Variants in DBT observed in about 807,000 individuals in gnomAD.
DBT encodes lipoamide acyltransferase component of branched-chain alpha-keto acid dehydrogenase complex, mitochondrial.
Under a neutral mutation model 51.3 loss-of-function variants are expected in DBT, and 40 were observed. That is an observed-to-expected ratio of 0.78 (90% confidence interval 0.61 to 1.02). DBT has a LOEUF of 1.02. Among genes scored for constraint, DBT ranks in the 50% least tolerant of loss-of-function variants. The pLI, the probability that DBT is intolerant of heterozygous loss-of-function variation, is 0.00. For synonymous variants in DBT, 181 were observed against 190.4 expected (o/e 0.95, Z 0.41); for missense variants, 510 against 580.2 (o/e 0.88, Z 1.24).
intron 4 of DBT, among the ~76,000 whole-genome samples, chr1:100,228,033 A>C (rs1311460419): frequency 1.3e-5 from 2 of 152,030 alleles, no homozygotes; most frequent in Admixed American, 1.3e-4. Flanking sequence ...TTTAGTAAAC[A>C]TGGGGTTTCA....
At chr1:100,241,558 A>G (rs1029088810) in intron 1 of DBT, among the ~76,000 whole-genome samples, 3 of 151,758 alleles carry the variant, frequency 2.0e-5, no homozygotes, top group Non-Finnish European at 4.4e-5. Context: ...ACCCCACCCA[A>G]TTAATTTTGT....
chr1:100,248,750 A>T (rs1664708958), intron 1 of DBT, among the ~76,000 whole-genome samples: 1 of 152,162 alleles, frequency 6.6e-6, no homozygotes. Flanking sequence ...TGCTGAGAAG[A>T]GCTCTCTTCT....
At position 100,194,815 on chromosome 1, in the gene DBT, T is replaced by A. The variant is rs1340737192; in HGVS notation, c.*1440A>T. 1 of 152,198 alleles carries A rather than the reference T, an allele frequency of 6.6e-6. No homozygotes were observed. The highest frequency in any genetic ancestry group is 1.9e-4 in the East Asian group (1 of 5,196). 9.4% of individuals were successfully genotyped at this position (152,198 alleles called of 1,614,324 possible). A position where few individuals can be genotyped will look rare whatever the true frequency, so the allele number is the denominator to read the frequency against. On this transcript the variant is annotated 3_prime_UTR_variant, in exon 11 of 11. Coordinates refer to ENST00000370132, the MANE Select transcript of DBT (RefSeq NM_001918.5). ...TCCTGATTTTAAAATTATTTCCATT[T>A]TGAGAAAAACCAAGTAGATATTAAA...
At chr1:100,207,666 T>A (rs1008008949) in intron 8 of DBT, among the ~76,000 whole-genome samples, 44 of 151,540 alleles carry the variant, frequency 2.9e-4, no homozygotes, top group Admixed American at 1.1e-3. Context: ...TACAAAAAAA[T>A]TTTTTTTAAT....
intron 5 of DBT, among the ~76,000 whole-genome samples, chr1:100,216,407 T>C (rs1232660375): frequency 6.6e-6 from 1 of 152,162 alleles, no homozygotes; most frequent in Admixed American, 6.6e-5. Context: ...GTATCTATAT[T>C]ATATATAATC....
intron 2 of DBT, 93 bp from the exon 3 acceptor site, chr1:100,235,604 G>A (rs1461863608): frequency 5.7e-6 from 4 of 707,582 alleles, no homozygotes; most frequent in African/African-American, 1.8e-5. Context: ...TTCTCAGGCA[G>A]AGGCAGAAAT....
chr1:100,209,781 C>G (rs761980429), intron 8 of DBT, among the ~76,000 whole-genome samples: 7 of 151,652 alleles, frequency 4.6e-5, no homozygotes, highest in Non-Finnish European at 8.8e-5. Flanking sequence ...AGGCTGGTCT[C>G]AAACTCCTGA....
chr1:100,204,569 C>A (rs1043736374), intron 10 of DBT, among the ~76,000 whole-genome samples: 2 of 152,130 alleles, frequency 1.3e-5, no homozygotes, highest in African/African-American at 4.8e-5. Flanking sequence ...CATCAAGCTA[C>A]CATTGACTTT....
In DBT at chr1:100,214,936, G is replaced by A. The variant is rs1310427311; in HGVS notation, c.820C>T (p.Pro274Ser). The A allele has an allele frequency of 1.9e-6, 3 of 1,612,446 alleles. No individual in the cohort carries two copies. Among genetic ancestry groups the A allele is most frequent in the African/African-American group, 2.7e-5 (2 of 74,962 alleles). Reference protein sequence around the residue: ...VKTMSAALKIPHFGYCDEIDL... With the variant: ...VKTMSAALKISHFGYCDEIDL... Reference sequence around the variant, plus strand: ...ATCTCATCACAATAACCAAAATGAGGTATCTTCAGGGCTGCAGACATAGTC... The same window carrying A: ...ATCTCATCACAATAACCAAAATGAGATATCTTCAGGGCTGCAGACATAGTC... The change falls in exon 7 of 11, where the codon CCT becomes TCT. Residue 274 changes from proline (P) to serine (S), a missense_variant. Physicochemically the swap from Pro to Ser is moderately conservative, Grantham distance 74 (BLOSUM62 -1). Transcript: ENST00000370132.
At chr1:100,221,246 T>G (rs1570823766) in intron 4 of DBT, among the ~76,000 whole-genome samples, 2 of 152,204 alleles carry the variant, frequency 1.3e-5, no homozygotes, top group African/African-American at 2.4e-5. Context: ...TTATTTCTAA[T>G]AGTCATGTAG....
In DBT at chr1:100,230,999, G is replaced by C. The variant is rs1057406449; in HGVS notation, c.252-85C>G. On this transcript the variant is annotated intron_variant, in intron 3 of 10. Transcript: ENST00000370132. ...AGGATGTAAATGCCATGCTGAGTTA[G>C]ATCAGTATTCATCTAGCCCAGCATT... 9.5e-6 allele frequency: 8 copies of C among 842,820 alleles called. No individual in the cohort carries two copies. The African/African-American group carries it at 1.0e-4, about 11-fold the overall frequency. 52.2% of individuals were successfully genotyped at this position (842,820 alleles called of 1,614,324 possible). A position where few individuals can be genotyped will look rare whatever the true frequency, so the allele number is the denominator to read the frequency against.
chr1:100,244,593 C>T (rs910470847), intron 1 of DBT, among the ~76,000 whole-genome samples: 10 of 152,082 alleles, frequency 6.6e-5, no homozygotes, highest in Non-Finnish European at 1.2e-4. Context: ...CAAGATCCCC[C>T]GGTGGGTGCC....
chr1:100,235,322 G>A (rs1286601415), intron 3 of DBT, 114 bp downstream of exon 3: 12 of 614,456 alleles, frequency 2.0e-5, no homozygotes, highest in Non-Finnish European at 2.6e-5. Context: ...TTATAAAGAC[G>A]TTTCTCAATT....
intron 10 of DBT, among the ~76,000 whole-genome samples, chr1:100,199,234 T>C (rs142925306): frequency 6.6e-6 from 1 of 152,288 alleles, no homozygotes; most frequent in Non-Finnish European, 1.5e-5. Flanking sequence ...TTGCACTCAT[T>C]TGGGTTCCTG....
intron 1 of DBT, among the ~76,000 whole-genome samples, chr1:100,246,443 A>G (rs1196926580): frequency 6.6e-6 from 1 of 152,178 alleles, no homozygotes; most frequent in African/African-American, 2.4e-5. Flanking sequence ...GCTAAATAAG[A>G]TGCAATATAT....
intron 4 of DBT, among the ~76,000 whole-genome samples, chr1:100,229,749 G>A (rs1174556438): frequency 6.6e-6 from 1 of 152,146 alleles, no homozygotes; most frequent in African/African-American, 2.4e-5. Flanking sequence ...GCAGCCCCTA[G>A]TATCAAAACT....
In DBT at chr1:100,225,052, TACACACACACACACACAC is replaced by T. The variant is rs71084808; in HGVS notation, c.433+5663_433+5680del. 3.4e-3 allele frequency among the ~76,000 whole-genome samples: 267 copies of T among 79,054 alleles called. 12 individuals carry two copies. The highest frequency in any genetic ancestry group is 0.012 in the African/African-American group (245 of 19,932). 51.9% of individuals were successfully genotyped at this position (79,054 alleles called of 152,430 possible). On this transcript the variant is annotated intron_variant, in intron 4 of 10. Coordinates refer to ENST00000370132, the MANE Select transcript of DBT (RefSeq NM_001918.5). The stretch of plus-strand genomic sequence containing the variant: ...AAAAAAAAAAAAAAAAATATATATA[TACACACACACACACACAC>T]ACACACACACACACACACACACACA...
Position 100,196,221 on chromosome 1 carries a change from A to C in DBT, c.*34T>G. The C allele has an allele frequency of 3.2e-6, 5 of 1,583,958 alleles. No homozygotes were observed. The highest frequency in any genetic ancestry group is 4.3e-6 in the Non-Finnish European group (5 of 1,152,736). On this transcript the variant is annotated 3_prime_UTR_variant, in exon 11 of 11. Transcript: ENST00000370132. ...CAGCTAGGGTTTACATACTCTTTGG[A>C]AGCTCAAAAAGTTCAAGAATGTCTT...
intron 8 of DBT, among the ~76,000 whole-genome samples, chr1:100,208,786 T>C (rs1419754350): frequency 1.3e-5 from 2 of 149,720 alleles, no homozygotes; most frequent in African/African-American, 4.9e-5. Flanking sequence ...CACGTGCCTA[T>C]AGTCCCAGCT....
Sources: allele counts gnomAD v4.1 joint callset (sites outside exome capture counted in the v4.1 genomes callset), GRCh38; gene constraint gnomAD v4.1.1; transcripts MANE v1.5; gene names NCBI Gene and HGNC (gene_info 2026-07-23, HGNC 2026-07-21).